The following METTL15 variants were observed in gnomAD, a reference collection of about 807,000 sequenced individuals.
The protein encoded by METTL15 is 12S rRNA N(4)-cytidine methyltransferase METTL15.
A neutral mutation model predicts 38.3 loss-of-function variants in METTL15; 34 were observed. The ratio of observed to expected loss-of-function variants is 0.89; its 90% CI spans 0.68 to 1.18. The LOEUF is 1.18. METTL15 is among the 50% of genes most tolerant of loss of function. The pLI is 0.00. For synonymous variants in METTL15, 162 were observed against 170.9 expected (o/e 0.95, Z 0.41); for missense variants, 438 against 498.4 (o/e 0.88, Z 1.15).
At chr11:28,497,529 C>A (rs1258734639) in intron 6 of METTL15, among the ~76,000 whole-genome samples, 11 of 152,160 alleles carry the variant, frequency 7.2e-5, no homozygotes, top group Admixed American at 7.2e-4. Flanking sequence ...GCAGGGGTGT[C>A]TTACTCTGTT....
chr11:28,383,076 G>A (rs967070425), intron 5 of METTL15, among the ~76,000 whole-genome samples: 2 of 151,848 alleles, frequency 1.3e-5, no homozygotes, highest in Non-Finnish European at 2.9e-5. Context: ...CAGGTAATAA[G>A]CATAGTACTC....
intron 5 of METTL15, among the ~76,000 whole-genome samples, chr11:28,385,814 T>A (rs747382835): frequency 1.3e-5 from 2 of 152,050 alleles, no homozygotes; most frequent in Admixed American, 6.6e-5. Context: ...TGTGTGTGTG[T>A]GTGAGGGGAT....
At chr11:28,377,952 C>T (rs1424904336) in intron 5 of METTL15, among the ~76,000 whole-genome samples, 1 of 152,106 alleles carries the variant, frequency 6.6e-6, no homozygotes, top group Admixed American at 6.6e-5. Flanking sequence ...GAGGGTGCCT[C>T]CCAGTTAGGC....
intron 3 of METTL15, among the ~76,000 whole-genome samples, chr11:28,184,161 C>T (rs984612432): frequency 2.0e-5 from 3 of 151,330 alleles, no homozygotes; most frequent in Admixed American, 1.3e-4. Context: ...CTTCTTTACT[C>T]GTCTTGCCTA....
At chr11:28,218,866 G>A (rs1853041067) in intron 4 of METTL15, among the ~76,000 whole-genome samples, 1 of 152,146 alleles carries the variant, frequency 6.6e-6, no homozygotes. Flanking sequence ...TACGTTTATT[G>A]ATTTGCGTAT....
intron 6 of METTL15, among the ~76,000 whole-genome samples, chr11:28,317,645 T>C (rs990202141): frequency 5.3e-5 from 8 of 152,204 alleles, no homozygotes; most frequent in African/African-American, 1.9e-4. Flanking sequence ...TTGCAATTTC[T>C]CTCTGGGACT....
At chr11:28,235,391 T>A (rs1853906608) in intron 4 of METTL15, among the ~76,000 whole-genome samples, 2 of 151,936 alleles carry the variant, frequency 1.3e-5, no homozygotes, top group Admixed American at 6.6e-5. Context: ...ATAAATTACC[T>A]TGGGCAGTAT....
intron 4 of METTL15, among the ~76,000 whole-genome samples, chr11:28,231,607 A>G (rs1853687249): frequency 6.6e-6 from 1 of 151,868 alleles, no homozygotes; most frequent in African/African-American, 2.4e-5. Flanking sequence ...CAATTTTACA[A>G]CAGTTTTTTC....
intron 5 of METTL15, among the ~76,000 whole-genome samples, chr11:28,380,325 G>A (rs970626072): frequency 5.3e-5 from 8 of 151,684 alleles, no homozygotes; most frequent in South Asian, 2.1e-4. Flanking sequence ...CTGCCATCAC[G>A]CCCGGCTAAG....
intron 6 of METTL15, among the ~76,000 whole-genome samples, chr11:28,523,480 C>G (rs1851784517): frequency 6.6e-6 from 1 of 152,188 alleles, no homozygotes. Flanking sequence ...AAACACTACA[C>G]AGAAGTCACC....
At chr11:28,137,852 G>A (rs1590790483) in intron 3 of METTL15, among the ~76,000 whole-genome samples, 1 of 150,894 alleles carries the variant, frequency 6.6e-6, no homozygotes, top group East Asian at 1.9e-4. Context: ...ATCAATTAGA[G>A]CTATTTTTTA....
intron 4 of METTL15, among the ~76,000 whole-genome samples, chr11:28,229,625 A>G (rs1040877353): frequency 6.6e-6 from 1 of 152,028 alleles, no homozygotes; most frequent in African/African-American, 2.4e-5. Flanking sequence ...AGGACACAGC[A>G]AGAGGCTCCC....
chr11:28,149,515 G>C (rs895419105), intron 3 of METTL15, among the ~76,000 whole-genome samples: 1 of 151,900 alleles, frequency 6.6e-6, no homozygotes, highest in East Asian at 1.9e-4. Flanking sequence ...TCCCAACTCT[G>C]TGTTACTTTG....
rs548007645 is a variant in METTL15 at position 28,477,078 on chromosome 11, T to G, written c.*425-49400T>G. ...GTGCTTAGCCACGTTAATGGGAGTC[T>G]GCCTGTGACTAAAATCCCCAGACTT... On this transcript the variant is annotated intron_variant and NMD_transcript_variant, in intron 6 of 7. Coordinates refer to the METTL15 transcript ENST00000532947. Among the ~76,000 whole-genome samples the G allele has an allele frequency of 1.2e-3, 184 of 152,348 alleles. 1 individual carries two copies. Among genetic ancestry groups the G allele is most frequent in the Non-Finnish European group, 1.5e-3 (104 of 68,040 alleles).
At chr11:28,415,904 G>C (rs1026091090) in intron 5 of METTL15, among the ~76,000 whole-genome samples, 1 of 152,112 alleles carries the variant, frequency 6.6e-6, no homozygotes, top group African/African-American at 2.4e-5. Flanking sequence ...GAGGGAGAAA[G>C]AACTAAGCAG....
At chr11:28,376,038 G>C (rs895010462) in intron 5 of METTL15, among the ~76,000 whole-genome samples, 95 of 152,192 alleles carry the variant, frequency 6.2e-4, no homozygotes, top group African/African-American at 2.2e-3. Flanking sequence ...GAGATAGTTT[G>C]TTATAATTTC....
chr11:28,456,505 G>A (rs1221527230), intron 6 of METTL15, among the ~76,000 whole-genome samples: 3 of 151,220 alleles, frequency 2.0e-5, no homozygotes, highest in South Asian at 2.1e-4. Context: ...GCAGTGGCGC[G>A]ATCTCAGCTC....
intron 5 of METTL15, among the ~76,000 whole-genome samples, chr11:28,391,921 T>C (rs1170153518): frequency 6.6e-6 from 1 of 152,150 alleles, no homozygotes; most frequent in Non-Finnish European, 1.5e-5. Flanking sequence ...ACTTCATGTC[T>C]AAAATACCAA....
chr11:28,407,206 TA>T (rs1850681545), intron 5 of METTL15, among the ~76,000 whole-genome samples: 1 of 152,038 alleles, frequency 6.6e-6, no homozygotes, highest in South Asian at 2.1e-4. Context: ...CCCAAAACTG[TA>T]AAAACCCTGG....
Sources: gnomAD v4.1 joint callset for allele counts (sites outside exome capture counted in the v4.1 genomes callset) on GRCh38, gnomAD v4.1.1 for gene constraint, MANE v1.5 for transcripts, NCBI Gene and HGNC (gene_info 2026-07-23, HGNC 2026-07-21) for gene names.